Variants in ADK observed in about 807,000 individuals in gnomAD.
ADK encodes the protein adenosine kinase.
Under a neutral mutation model 44.7 loss-of-function variants are expected in ADK, and 24 were observed. The observed-to-expected ratio is 0.54, with a 90% CI of 0.39 to 0.76. ADK has a LOEUF of 0.76. ADK is among the 30% of genes least tolerant of loss of function. The pLI is 0.00. For missense variants in ADK, 321 were observed against 425.1 expected (o/e 0.76, Z 2.15); for synonymous variants, 128 against 142.6 (o/e 0.90, Z 0.73).
intron 1 of ADK, among the ~76,000 whole-genome samples, chr10:74,160,729 G>T (rs1841873411): frequency 6.6e-6 from 1 of 151,438 alleles, no homozygotes; most frequent in Admixed American, 6.6e-5. Context: ...ATGTGTGTGT[G>T]TAGGTAGTAC....
intron 3 of ADK, among the ~76,000 whole-genome samples, chr10:74,255,107 A>G (rs776840735): frequency 1.3e-5 from 2 of 152,202 alleles, no homozygotes; most frequent in Non-Finnish European, 2.9e-5. Flanking sequence ...TATAGAAAAC[A>G]ATAGTAGGTT....
At chr10:74,512,510 T>G (rs1248238315) in intron 6 of ADK, among the ~76,000 whole-genome samples, 3 of 151,428 alleles carry the variant, frequency 2.0e-5, no homozygotes, top group African/African-American at 7.3e-5. Context: ...TCTTGGTAGG[T>G]TTTACGTATC....
At chr10:74,199,711 G>T (rs1454262417) in intron 1 of ADK, among the ~76,000 whole-genome samples, 1 of 151,632 alleles carries the variant, frequency 6.6e-6, no homozygotes, top group Non-Finnish European at 1.5e-5. Flanking sequence ...GCAGAGTCTC[G>T]CTCTGTCGCC....
chr10:74,172,860 T>C (rs1591805258), intron 1 of ADK, among the ~76,000 whole-genome samples: 1 of 144,664 alleles, frequency 6.9e-6, no homozygotes, highest in Non-Finnish European at 1.5e-5. Context: ...GAGCCAAGAG[T>C]GCACCACTGC....
chr10:74,656,175 C>T, intron 9 of ADK: 1 of 274,976 alleles, frequency 3.6e-6, no homozygotes, highest in Non-Finnish European at 7.2e-6. Context: ...CTGTCTGCTC[C>T]AGACATTTTG....
intron 4 of ADK, among the ~76,000 whole-genome samples, chr10:74,384,338 A>G (rs975046117): frequency 6.6e-6 from 1 of 151,994 alleles, no homozygotes; most frequent in Non-Finnish European, 1.5e-5. Context: ...AATTAATTCT[A>G]TGATAGGAAT....
chr10:74,424,118 C>CAGT (rs1844687392), intron 6 of ADK: 1 of 152,688 alleles, frequency 6.5e-6, no homozygotes, highest in African/African-American at 2.4e-5. Flanking sequence ...GACGCAAGGG[C>CAGT]AGTAGTATTA....
Position 74,608,862 on chromosome 10 carries a change from G to A in ADK, c.877+8369G>A, listed in dbSNP as rs553741007. ...CCAGGTGCTCTGTCCCAGAGAGATG[G>A]GAGTTTTATCTATAAGCCCCTGACT... is the stretch of plus-strand genomic sequence containing the variant. On this transcript the variant is annotated intron_variant, in intron 9 of 10. Coordinates refer to ENST00000539909, the MANE Select transcript of ADK (RefSeq NM_006721.4). Among the ~76,000 whole-genome samples the A allele has an allele frequency of 6.1e-4, 93 of 152,266 alleles. 1 individual carries two copies. In the Middle Eastern group the frequency reaches 0.014, roughly 22 times the overall value.
chr10:74,341,454 A>C (rs1841579384), intron 4 of ADK, among the ~76,000 whole-genome samples: 1 of 151,342 alleles, frequency 6.6e-6, no homozygotes, highest in Non-Finnish European at 1.5e-5. Context: ...TGAACCTGGG[A>C]AGGTGGAGGT....
chr10:74,261,873 G>A (rs1846051709), intron 3 of ADK, among the ~76,000 whole-genome samples: 1 of 151,388 alleles, frequency 6.6e-6, no homozygotes, highest in East Asian at 1.9e-4. Flanking sequence ...GCATGTAATG[G>A]GCCCTTATAG....
chr10:74,172,396 T>C (rs1842188157), intron 1 of ADK, among the ~76,000 whole-genome samples: 1 of 152,080 alleles, frequency 6.6e-6, no homozygotes, highest in South Asian at 2.1e-4. Context: ...TGCACCTGGC[T>C]AGACAGCTGA....
intron 4 of ADK, among the ~76,000 whole-genome samples, chr10:74,329,106 CAAAAAA>C (rs138730631): frequency 3.2e-3 from 261 of 82,110 alleles, no homozygotes; most frequent in African/African-American, 0.011. Flanking sequence ...TCTGTGCAGG[CAAAAAA>C]AAAAAAAAAA....
intron 6 of ADK, among the ~76,000 whole-genome samples, chr10:74,415,613 A>C (rs1184833227): frequency 1.3e-5 from 2 of 152,128 alleles, no homozygotes; most frequent in Non-Finnish European, 2.9e-5. Flanking sequence ...GGTATTTATG[A>C]ACCATTGAGT....
At chr10:74,252,465 C>T (rs905366052) in intron 3 of ADK, among the ~76,000 whole-genome samples, 2 of 152,112 alleles carry the variant, frequency 1.3e-5, no homozygotes, top group African/African-American at 4.8e-5. Flanking sequence ...AATAGAAAGG[C>T]ACTGTAGGGC....
intron 6 of ADK, among the ~76,000 whole-genome samples, chr10:74,512,403 T>C: frequency 5.2e-5 from 1 of 19,324 alleles, no homozygotes. Flanking sequence ...AGTTCTGGAC[T>C]TTTTTTTTTT....
rs1035533190 is a variant in ADK at position 74,679,429 on chromosome 10, T to C, written c.964+9160T>C. Among the ~76,000 whole-genome samples, 4 of 152,196 alleles carry C rather than the reference T, an allele frequency of 2.6e-5. No homozygotes were observed. In the East Asian group the frequency reaches 5.8e-4, roughly 22 times the overall value. ...TTGGTAATAGTGGATTTTTTAAAAA[T>C]GTTCTTATCTAGCAGAATTAAAGTT... On this transcript the variant is annotated intron_variant, in intron 10 of 10. Coordinates refer to ENST00000539909, the MANE Select transcript of ADK (RefSeq NM_006721.4).
intron 4 of ADK, among the ~76,000 whole-genome samples, chr10:74,385,366 A>T (rs1213968939): frequency 6.6e-6 from 1 of 152,136 alleles, no homozygotes; most frequent in Non-Finnish European, 1.5e-5. Context: ...GCTAAAAATG[A>T]GGGGGTCTCA....
intron 3 of ADK, among the ~76,000 whole-genome samples, chr10:74,291,013 C>T (rs1343632310): frequency 6.6e-6 from 1 of 151,800 alleles, no homozygotes; most frequent in Non-Finnish European, 1.5e-5. Context: ...GATTTTTTGC[C>T]AAATAATTTA....
intron 4 of ADK, among the ~76,000 whole-genome samples, chr10:74,330,319 G>A (rs1225140615): frequency 1.3e-5 from 2 of 152,114 alleles, no homozygotes. Context: ...GGTTGAGATG[G>A]GAAGATCACT....
Sources: gnomAD v4.1 joint callset for allele counts (sites outside exome capture counted in the v4.1 genomes callset) on GRCh38, gnomAD v4.1.1 for gene constraint, MANE v1.5 for transcripts, NCBI Gene and HGNC (gene_info 2026-07-23, HGNC 2026-07-21) for gene names.